The following KYNU variants were observed in gnomAD, a reference collection of about 807,000 sequenced individuals.
KYNU encodes the protein kynureninase.
In KYNU, 54 loss-of-function variants were observed where a neutral mutation model predicts 59.2. The ratio of observed to expected loss-of-function variants is 0.91; its 90% confidence interval spans 0.73 to 1.14. The LOEUF (loss-of-function observed/expected upper bound fraction) is 1.14, where lower values mean the gene tolerates loss of function less well. KYNU is among the 50% of genes most tolerant of loss of function. KYNU has a pLI of 0.00. For missense variants in KYNU, 567 were observed against 554.4 expected, an observed-to-expected ratio of 1.02 and a Z score of -0.23; for synonymous variants, 177 against 192.0, an observed-to-expected ratio of 0.92 and a Z score of 0.65.
intron 4 of KYNU, among the ~76,000 whole-genome samples, chr2:142,932,362 A>AGAACAAGGACAGGGAGAGAAACT (rs1453849562): frequency 6.6e-6 from 1 of 152,052 alleles, no homozygotes; most frequent in Non-Finnish European, 1.5e-5. Flanking sequence ...TAAAGAGGAG[A>AGAACAAGGACAGGGAGAGAAACT]GAACAAGGAC....
chr2:142,969,679 G>A (rs777066529), intron 8 of KYNU, among the ~76,000 whole-genome samples: 1 of 152,138 alleles, frequency 6.6e-6, no homozygotes, highest in Non-Finnish European at 1.5e-5. Flanking sequence ...TACAGATCTG[G>A]GAAAAGCAAG....
chr2:142,878,241 G>A (rs1322598227), intron 1 of KYNU, among the ~76,000 whole-genome samples: 3 of 152,034 alleles, frequency 2.0e-5, no homozygotes, highest in Non-Finnish European at 4.4e-5. Flanking sequence ...AAAGAAAGTT[G>A]ATACACTTTT....
chr2:143,023,642 C>A (rs1367750814), intron 10 of KYNU, among the ~76,000 whole-genome samples: 3 of 151,436 alleles, frequency 2.0e-5, no homozygotes, highest in Admixed American at 1.3e-4. Flanking sequence ...GTGAATTTTT[C>A]AAATTATTGA....
At chr2:142,881,909 CTTTTTTCT>C (rs1350326235) in intron 1 of KYNU, among the ~76,000 whole-genome samples, 3 of 124,662 alleles carry the variant, frequency 2.4e-5, no homozygotes, top group South Asian at 2.8e-4. Flanking sequence ...CTTTTCTTTT[CTTTTTTCT>C]TTTTTTTTTT....
intron 10 of KYNU, among the ~76,000 whole-genome samples, chr2:143,019,320 T>C (rs1686343860): frequency 6.6e-6 from 1 of 152,114 alleles, no homozygotes; most frequent in South Asian, 2.1e-4. Flanking sequence ...CTATAACCAA[T>C]TTGTTGAGAA....
At chr2:143,036,333 C>A (rs1430644053) in intron 12 of KYNU, among the ~76,000 whole-genome samples, 1 of 152,124 alleles carries the variant, frequency 6.6e-6, no homozygotes, top group Non-Finnish European at 1.5e-5. Flanking sequence ...CACCCTACTG[C>A]TGTGTCCAGT....
At chr2:142,989,550 T>G in intron 10 of KYNU, 9 of 931,496 alleles carry the variant, frequency 9.7e-6, no homozygotes, top group Non-Finnish European at 1.2e-5. Flanking sequence ...TTTCTTCTCA[T>G]GGTCCACTCA....
At chr2:142,955,630 A>G (rs1388100155) in intron 5 of KYNU, among the ~76,000 whole-genome samples, 1 of 152,080 alleles carries the variant, frequency 6.6e-6, no homozygotes, top group Admixed American at 6.6e-5. Flanking sequence ...TCTGCATGAG[A>G]ATTAAATGTA....
At chr2:143,005,104 A>G (rs1285602997) in intron 10 of KYNU, among the ~76,000 whole-genome samples, 6 of 151,806 alleles carry the variant, frequency 4.0e-5, no homozygotes, top group African/African-American at 1.5e-4. Flanking sequence ...GTTGGATGGA[A>G]AGATCTACCC....
At chr2:142,906,893 T>C (rs1478340526) in intron 2 of KYNU, among the ~76,000 whole-genome samples, 3 of 152,114 alleles carry the variant, frequency 2.0e-5, no homozygotes, top group Non-Finnish European at 4.4e-5. Flanking sequence ...ATTGTGAAAG[T>C]GGAAGCTGGT....
chr2:142,920,814 A>G (rs565137076), intron 3 of KYNU, among the ~76,000 whole-genome samples: 4 of 152,172 alleles, frequency 2.6e-5, no homozygotes, highest in Non-Finnish European at 4.4e-5. Context: ...AGTCAACATC[A>G]TGGACCCGCC....
At chr2:143,021,798 T>G (rs1288853100) in intron 10 of KYNU, among the ~76,000 whole-genome samples, 1 of 152,134 alleles carries the variant, frequency 6.6e-6, no homozygotes, top group African/African-American at 2.4e-5. Context: ...AATATGAGAT[T>G]TGGGCAGGGA....
chr2:143,035,709 C>A (rs1265297826), intron 12 of KYNU, among the ~76,000 whole-genome samples: 2 of 152,190 alleles, frequency 1.3e-5, no homozygotes, highest in African/African-American at 4.8e-5. Context: ...CTCCTGCCCC[C>A]ACCTTCCAGG....
At chr2:142,934,960 T>C (rs1475568854) in intron 4 of KYNU, among the ~76,000 whole-genome samples, 1 of 152,146 alleles carries the variant, frequency 6.6e-6, no homozygotes, top group Non-Finnish European at 1.5e-5. Flanking sequence ...TGGAGGTGGA[T>C]TGCTAGGAGG....
At chr2:142,899,971 G>T (rs911274866) in intron 2 of KYNU, among the ~76,000 whole-genome samples, 9 of 152,146 alleles carry the variant, frequency 5.9e-5, no homozygotes, top group East Asian at 1.9e-4. Flanking sequence ...ATGGTGGCAG[G>T]CCCCTTCCAA....
chr2:142,942,158 CAGA>C (rs1683621355), intron 4 of KYNU, among the ~76,000 whole-genome samples: 2 of 59,122 alleles, frequency 3.4e-5, no homozygotes, highest in African/African-American at 1.2e-4. Context: ...TCCTGGGTGA[CAGA>C]AAAAAAAAAA....
intron 8 of KYNU, among the ~76,000 whole-genome samples, chr2:142,973,808 AAG>A (rs1445007902): frequency 6.6e-6 from 1 of 152,200 alleles, no homozygotes; most frequent in African/African-American, 2.4e-5. Flanking sequence ...TAGAGAATAA[AAG>A]AAAAAAATCC....
intron 3 of KYNU, among the ~76,000 whole-genome samples, chr2:142,927,185 T>G (rs988330697): frequency 6.6e-6 from 1 of 152,212 alleles, no homozygotes; most frequent in Non-Finnish European, 1.5e-5. Context: ...TATTTACCTA[T>G]AAAATGGTAT....
intron 4 of KYNU, among the ~76,000 whole-genome samples, chr2:142,954,235 A>G (rs959868321): frequency 2.6e-5 from 4 of 152,118 alleles, no homozygotes; most frequent in Non-Finnish European, 4.4e-5. Context: ...ATCAGACAAT[A>G]CACGTCTATA....
Sources: allele counts gnomAD v4.1 joint callset (sites outside exome capture counted in the v4.1 genomes callset), GRCh38; gene constraint gnomAD v4.1.1; transcripts MANE v1.5; gene names NCBI Gene and HGNC (gene_info 2026-07-23, HGNC 2026-07-21).